Variants in GABRG1 observed in about 807,000 individuals in gnomAD.
The protein encoded by GABRG1 is gamma-aminobutyric acid receptor subunit gamma-1.
A neutral mutation model predicts 49.8 loss-of-function variants in GABRG1; 49 were observed. The ratio of observed to expected loss-of-function variants is 0.98; its 90% CI spans 0.78 to 1.25. The LOEUF (loss-of-function observed/expected upper bound fraction) is 1.25. GABRG1 is among the 50% of genes most tolerant of loss of function. The probability of loss-of-function intolerance (pLI) is 0.00; values close to 1 mark genes in which losing one functional copy is unlikely to be tolerated. For missense variants in GABRG1, 552 were observed against 552.3 expected, an observed-to-expected ratio of 1.00 and a Z score of 0.01; for synonymous variants, 232 against 185.1, an observed-to-expected ratio of 1.25 and a Z score of -2.06.
intron 1 of GABRG1, among the ~76,000 whole-genome samples, chr4:46,112,181 A>T (rs1415409672): frequency 6.6e-6 from 1 of 151,344 alleles, no homozygotes; most frequent in Non-Finnish European, 1.5e-5. Context: ...AGGAAAATAC[A>T]TGAACAGACA....
intron 2 of GABRG1, among the ~76,000 whole-genome samples, chr4:46,084,662 C>A (rs78550525): frequency 0.018 from 2,746 of 151,710 alleles, 96 homozygotes; most frequent in African/African-American, 0.062. Context: ...GTTTGTTTTT[C>A]CTCAAGCAAA....
rs76965834 is a variant in GABRG1 at position 46,079,769 on chromosome 4, G to A, written c.321+4217C>T. ...TGACTTGGCTTTAAAGAATTGCTATGGCCCTTGAGTGTTGTACTTGCCAGT... is the reference window on the plus strand; with the variant it reads ...TGACTTGGCTTTAAAGAATTGCTATAGCCCTTGAGTGTTGTACTTGCCAGT... On this transcript the variant is annotated intron_variant, in intron 3 of 8. Coordinates refer to ENST00000295452, the MANE Select transcript of GABRG1 (RefSeq NM_173536.4). 3.9e-4 allele frequency among the ~76,000 whole-genome samples: 59 copies of A among 151,866 alleles called. No homozygotes were observed. In the East Asian group the frequency reaches 0.01, roughly 27 times the overall value.
chr4:46,077,002 A>T (rs964513842), intron 3 of GABRG1, among the ~76,000 whole-genome samples: 3 of 151,564 alleles, frequency 2.0e-5, no homozygotes, highest in Middle Eastern at 3.2e-3. Flanking sequence ...ATAATTCATT[A>T]CTAAATAATA....
intron 5 of GABRG1, among the ~76,000 whole-genome samples, chr4:46,061,111 C>T (rs1718655768): frequency 1.3e-5 from 2 of 152,100 alleles, no homozygotes; most frequent in Non-Finnish European, 2.9e-5. Context: ...AGCTATCACA[C>T]CAAAATTTAA....
rs183406248 is a variant in GABRG1 at position 46,114,020 on chromosome 4, A to T, written c.104+9790T>A. ...AGCTTTTCAAAGGGTAGGAAAAATC[A>T]CTGATTTTAGACCTAAAATCAAAAA... On this transcript the variant is annotated intron_variant, in intron 1 of 8. Coordinates refer to ENST00000295452, the MANE Select transcript of GABRG1 (RefSeq NM_173536.4). 6.0e-5 allele frequency among the ~76,000 whole-genome samples: 9 copies of T among 151,142 alleles called. No homozygotes were observed. In the East Asian group the frequency reaches 1.2e-3, roughly 20 times the overall value.
intron 3 of GABRG1, among the ~76,000 whole-genome samples, chr4:46,073,613 A>T (rs1445122183): frequency 1.3e-5 from 2 of 152,022 alleles, no homozygotes; most frequent in East Asian, 3.9e-4. Flanking sequence ...TATGAAACAT[A>T]GTATGGTAAC....
intron 1 of GABRG1, among the ~76,000 whole-genome samples, chr4:46,103,344 T>G (rs1720443317): frequency 6.6e-6 from 1 of 151,594 alleles, no homozygotes; most frequent in South Asian, 2.1e-4. Context: ...ACTGAGTATA[T>G]GTACAGAAAA....
At chr4:46,112,843 C>T (rs1006053096) in intron 1 of GABRG1, among the ~76,000 whole-genome samples, 3 of 150,808 alleles carry the variant, frequency 2.0e-5, no homozygotes, top group Non-Finnish European at 3.0e-5. Flanking sequence ...ATTCGTATAT[C>T]GCTGATGGGA....
chr4:46,117,683 CACAT>C (rs1720950941), intron 1 of GABRG1, among the ~76,000 whole-genome samples: 1 of 141,444 alleles, frequency 7.1e-6, no homozygotes, highest in African/African-American at 2.6e-5. Context: ...TATATATATA[CACAT>C]GTATATAGCT....
intron 2 of GABRG1, among the ~76,000 whole-genome samples, chr4:46,091,631 C>T (rs544672458): frequency 3.6e-4 from 55 of 151,820 alleles, no homozygotes; most frequent in Middle Eastern, 3.4e-3. Flanking sequence ...GAAATTAGGT[C>T]GGTAATAAAG....
intron 8 of GABRG1, among the ~76,000 whole-genome samples, chr4:46,049,212 C>G (rs940426448): frequency 6.6e-5 from 10 of 151,672 alleles, no homozygotes; most frequent in African/African-American, 2.4e-4. Flanking sequence ...CATCTTGCAA[C>G]CAAAGAAAAA....
chr4:46,051,679 G>A (rs1718229975), intron 7 of GABRG1, 41 bp from the exon 8 acceptor site: 1 of 1,249,126 alleles, frequency 8.0e-7, no homozygotes, highest in Non-Finnish European at 1.1e-6. Flanking sequence ...AAAATTAATA[G>A]ACCACATTTA....
chr4:46,097,289 C>T lies in GABRG1; in HGVS notation c.165G>A (p.Leu55=), dbSNP rs1242047925. The T allele has an allele frequency of 1.7e-5, 28 of 1,610,774 alleles. No individual in the cohort carries two copies. The highest frequency in any genetic ancestry group is 2.3e-5 in the Non-Finnish European group (27 of 1,178,034). ...TATCTCCTTCATGAATTTTTGGGGC[C>T]AAGACCCAGGTTTTGTTCACCGTTA... The part of the protein sequence containing the change: ...EDLTVNKTWV[L]APKIHEGDIT... The change falls in exon 2 of 9, where the codon TTG becomes TTA. Residue 55 remains leucine (L), a synonymous_variant. Transcript: ENST00000295452.
intron 3 of GABRG1, among the ~76,000 whole-genome samples, chr4:46,075,158 A>T (rs976287607): frequency 6.6e-6 from 1 of 151,980 alleles, no homozygotes; most frequent in Admixed American, 6.6e-5. Flanking sequence ...TCTTCCTCAT[A>T]CAAATACTTT....
At chr4:46,123,709 G>T in intron 1 of GABRG1, 101 bp downstream of exon 1, 1 of 768,760 alleles carries the variant, frequency 1.3e-6, no homozygotes, top group Non-Finnish European at 2.2e-6. Flanking sequence ...GTTAGGAAAT[G>T]CAAATTAATT....
At chr4:46,069,677 G>A (rs535378910) in intron 3 of GABRG1, among the ~76,000 whole-genome samples, 1 of 152,004 alleles carries the variant, frequency 6.6e-6, no homozygotes, top group Non-Finnish European at 1.5e-5. Context: ...ATTGCCAAAG[G>A]CACATAGCAT....
intron 3 of GABRG1, among the ~76,000 whole-genome samples, chr4:46,071,003 T>C (rs933029568): frequency 2.0e-5 from 3 of 152,096 alleles, no homozygotes; most frequent in Non-Finnish European, 2.9e-5. Context: ...CAGTCAATGA[T>C]GTACAACGTT....
intron 5 of GABRG1, among the ~76,000 whole-genome samples, chr4:46,061,046 A>G (rs1037744239): frequency 5.0e-4 from 76 of 152,172 alleles, no homozygotes; most frequent in Admixed American, 4.8e-3. Flanking sequence ...TTGACACCCA[A>G]TTAAACTCAC....
chr4:46,071,791 G>C (rs185302927), intron 3 of GABRG1, among the ~76,000 whole-genome samples: 1 of 152,018 alleles, frequency 6.6e-6, no homozygotes, highest in Admixed American at 6.6e-5. Flanking sequence ...ACTTTGTACA[G>C]TTGTAAAATG....
Sources: allele counts gnomAD v4.1 joint callset (sites outside exome capture counted in the v4.1 genomes callset), GRCh38; gene constraint gnomAD v4.1.1; transcripts MANE v1.5; gene names NCBI Gene and HGNC (gene_info 2026-07-23, HGNC 2026-07-21).